The following KYNU variants were observed in gnomAD, a reference collection of about 807,000 sequenced individuals.
KYNU encodes L-kynurenine hydrolase.
A neutral mutation model predicts 59.2 loss-of-function variants in KYNU; 54 were observed. The ratio of observed to expected loss-of-function variants is 0.91; its 90% CI spans 0.73 to 1.14. KYNU has a LOEUF of 1.14. Ranked by LOEUF, KYNU falls within the 50% of genes most tolerant of loss-of-function variation. The pLI is 0.00. For missense variants in KYNU, 567 were observed against 554.4 expected (o/e 1.02, Z -0.23); for synonymous variants, 177 against 192.0 (o/e 0.92, Z 0.65).
intron 10 of KYNU, among the ~76,000 whole-genome samples, chr2:143,012,036 A>C (rs1213280505): frequency 6.8e-6 from 1 of 148,084 alleles, no homozygotes; most frequent in African/African-American, 2.5e-5. Context: ...CACAATGTGC[A>C]CATATACCCT....
In KYNU at chr2:143,050,365, G is replaced by A. The variant is rs827214; in HGVS notation, c.*8193G>A. On this transcript the variant is annotated 3_prime_UTR_variant, in exon 14 of 14. Coordinates refer to ENST00000264170, the MANE Select transcript of KYNU (RefSeq NM_003937.3). ...CCCCTCTCTGTGTCCATGTATTCTC[G>A]CCTCCCACTTATGAGTGAGAACACG... 0.43 allele frequency: 65,089 copies of A among 151,258 alleles called. 15,573 individuals are homozygous for A. Among genetic ancestry groups the A allele is most frequent in the Middle Eastern group, 0.55 (162 of 294 alleles). The allele number at this position is 151,258 out of a possible 1,614,324, so 9.4% of individuals were successfully genotyped here.
intron 3 of KYNU, among the ~76,000 whole-genome samples, chr2:142,925,765 T>C (rs1448471769): frequency 6.6e-6 from 1 of 152,184 alleles, no homozygotes; most frequent in African/African-American, 2.4e-5. Context: ...GGAAAAACAG[T>C]GCTCTAGTCC....
Position 142,877,747 on chromosome 2 carries a change from G to A in KYNU, c.-20+11G>A, listed in dbSNP as rs1167883011. 4 of 152,150 alleles carry A rather than the reference G, an allele frequency of 2.6e-5. No individual in the cohort carries two copies. The highest frequency in any genetic ancestry group is 1.3e-4 in the Admixed American group (2 of 15,276). 9.4% of individuals were successfully genotyped at this position (152,150 alleles called of 1,614,324 possible). ...TTGGGATCCTAGCTGGTAAGCTTGA[G>A]GCGCTGATAAAAACTCTCTACCCTA... On this transcript the variant is annotated intron_variant, in intron 1 of 13. Transcript: ENST00000264170.
chr2:143,020,643 A>G (rs1181416949), intron 10 of KYNU, among the ~76,000 whole-genome samples: 1 of 152,196 alleles, frequency 6.6e-6, no homozygotes, highest in African/African-American at 2.4e-5. Context: ...TGTTAGGTCC[A>G]TTTGGTAGAC....
intron 10 of KYNU, among the ~76,000 whole-genome samples, chr2:143,003,432 A>G (rs1004582215): frequency 7.4e-5 from 11 of 148,944 alleles, no homozygotes; most frequent in African/African-American, 2.8e-4. Context: ...TAATAAAATA[A>G]AATAGCCAGG....
At chr2:142,914,871 G>A (rs1682620159) in intron 2 of KYNU, among the ~76,000 whole-genome samples, 1 of 152,158 alleles carries the variant, frequency 6.6e-6, no homozygotes, top group South Asian at 2.1e-4. Flanking sequence ...AGGAAGACAA[G>A]GGAAATCACC....
intron 2 of KYNU, among the ~76,000 whole-genome samples, chr2:142,906,163 G>T (rs1009213299): frequency 1.3e-5 from 2 of 151,982 alleles, no homozygotes; most frequent in Non-Finnish European, 2.9e-5. Context: ...AAGGAAGTTC[G>T]CTTGTTGACC....
At chr2:142,898,808 A>T (rs1479421591) in intron 2 of KYNU, among the ~76,000 whole-genome samples, 1 of 152,150 alleles carries the variant, frequency 6.6e-6, no homozygotes, top group Admixed American at 6.5e-5. Flanking sequence ...ATCTTGGGCC[A>T]TGCGGTGAGT....
At chr2:142,986,062 T>C in intron 10 of KYNU, 41 bp downstream of exon 10, 1 of 1,291,166 alleles carries the variant, frequency 7.7e-7, no homozygotes, top group Non-Finnish European at 1.1e-6. Context: ...GATGAACAAA[T>C]TAATTTGCAT....
At chr2:142,961,455 C>G (rs1294082020) in intron 8 of KYNU, among the ~76,000 whole-genome samples, 2 of 151,908 alleles carry the variant, frequency 1.3e-5, no homozygotes, top group Admixed American at 6.6e-5. Flanking sequence ...CATGCTAGGT[C>G]TATTAAAAAT....
chr2:142,941,554 T>C (rs1191905556), intron 4 of KYNU, among the ~76,000 whole-genome samples: 1 of 152,222 alleles, frequency 6.6e-6, no homozygotes, highest in African/African-American at 2.4e-5. Context: ...TCAAACCTTA[T>C]ATGACAAATG....
At chr2:142,923,204 C>A (rs182810931) in intron 3 of KYNU, among the ~76,000 whole-genome samples, 2 of 152,186 alleles carry the variant, frequency 1.3e-5, no homozygotes, top group Non-Finnish European at 2.9e-5. Context: ...CTAAAACTTA[C>A]ACTTATTTAA....
intron 4 of KYNU, among the ~76,000 whole-genome samples, chr2:142,934,148 G>A (rs139282717): frequency 3.7e-4 from 57 of 152,258 alleles, no homozygotes; most frequent in Non-Finnish European, 6.5e-4. Flanking sequence ...TGGAGTAGGC[G>A]ACTGGTGAGG....
chr2:142,960,924 G>A (rs1256319175), intron 8 of KYNU, among the ~76,000 whole-genome samples, 154 bp downstream of exon 8: 1 of 151,552 alleles, frequency 6.6e-6, no homozygotes. Context: ...GGCCAGGCAC[G>A]GTGGCTCACG....
intron 3 of KYNU, among the ~76,000 whole-genome samples, chr2:142,924,699 T>A (rs1223189739): frequency 6.6e-6 from 1 of 152,214 alleles, no homozygotes; most frequent in East Asian, 1.9e-4. Flanking sequence ...TGGCAGTGAG[T>A]TAACTCTCTC....
rs2104949520 is a variant in KYNU, at chr2:142,902,705, G to A, written c.170-15904G>A. Among the ~76,000 whole-genome samples, 4 of 152,338 alleles carry A rather than the reference G, an allele frequency of 2.6e-5. 1 individual carries two copies. Among genetic ancestry groups the A allele is most frequent in the Middle Eastern group, 6.8e-3 (2 of 292 alleles). ...GTGGTGAGGAAGTTTAAAAGCGCTT[G>A]GGTGGCTTGATGGCACAAGGTTTTT... On this transcript the variant is annotated intron_variant, in intron 2 of 13. Transcript: ENST00000264170.
intron 4 of KYNU, among the ~76,000 whole-genome samples, chr2:142,936,514 T>C (rs1683395230): frequency 6.6e-6 from 1 of 152,152 alleles, no homozygotes; most frequent in Non-Finnish European, 1.5e-5. Context: ...GAGACCGTCC[T>C]GGACAGCTGG....
At chr2:142,981,769 G>C (rs975013586) in intron 8 of KYNU, among the ~76,000 whole-genome samples, 1 of 151,924 alleles carries the variant, frequency 6.6e-6, no homozygotes, top group Non-Finnish European at 1.5e-5. Flanking sequence ...TAGTGAATGA[G>C]GTTTTAATTA....
intron 10 of KYNU, among the ~76,000 whole-genome samples, chr2:143,009,203 CA>C (rs1335439965): frequency 1.7e-5 from 1 of 59,410 alleles, no homozygotes; most frequent in African/African-American, 9.2e-5. Context: ...ATCAAATAGA[CA>C]CAATAAAAAA....
Sources: allele counts gnomAD v4.1 joint callset (sites outside exome capture counted in the v4.1 genomes callset), GRCh38; gene constraint gnomAD v4.1.1; transcripts MANE v1.5; gene names NCBI Gene and HGNC (gene_info 2026-07-23, HGNC 2026-07-21).